Variants in BABAM2 observed in about 807,000 individuals in gnomAD.
BABAM2 encodes the protein BRISC and BRCA1 A complex member 2.
Under a neutral mutation model 54.7 loss-of-function variants are expected in BABAM2, and 31 were observed. The ratio of observed to expected loss-of-function variants is 0.57; its 90% confidence interval spans 0.43 to 0.77. BABAM2 has a LOEUF of 0.77. Among genes scored for constraint, BABAM2 ranks in the 30% least tolerant of loss-of-function variants. The pLI, the probability that BABAM2 is intolerant of heterozygous loss-of-function variation, is 0.00. For synonymous variants in BABAM2, 167 were observed against 162.9 expected (o/e 1.03, Z -0.19); for missense variants, 364 against 455.8 (o/e 0.80, Z 1.83).
At chr2:28,302,018 T>C (rs1323898833) in intron 11 of BABAM2, among the ~76,000 whole-genome samples, 1 of 152,220 alleles carries the variant, frequency 6.6e-6, no homozygotes, top group Admixed American at 6.5e-5. Context: ...CCTGTCTTAG[T>C]TTTTTCTTTT....
At chr2:28,201,897 G>A (rs989199554) in intron 7 of BABAM2, among the ~76,000 whole-genome samples, 6 of 151,686 alleles carry the variant, frequency 4.0e-5, no homozygotes, top group Admixed American at 1.3e-4. Flanking sequence ...ATGAAGCCCC[G>A]AATGGTGAAA....
chr2:28,261,783 C>T (rs1684563966), intron 10 of BABAM2, among the ~76,000 whole-genome samples: 1 of 147,290 alleles, frequency 6.8e-6, no homozygotes, highest in Non-Finnish European at 1.5e-5. Context: ...CCCCTCCCCT[C>T]CCCTTCCCTT....
chr2:28,178,128 G>A (rs1301601723), intron 7 of BABAM2, among the ~76,000 whole-genome samples: 1 of 152,024 alleles, frequency 6.6e-6, no homozygotes, highest in African/African-American at 2.4e-5. Context: ...AATTTAAACT[G>A]CACTTTAGAC....
intron 7 of BABAM2, among the ~76,000 whole-genome samples, chr2:28,204,570 A>C (rs1678628708): frequency 6.6e-6 from 1 of 151,910 alleles, no homozygotes; most frequent in Non-Finnish European, 1.5e-5. Context: ...TCAAATGCCC[A>C]GATAAGTGCA....
chr2:28,213,634 C>A (rs1031522238), intron 7 of BABAM2, among the ~76,000 whole-genome samples: 2 of 151,926 alleles, frequency 1.3e-5, no homozygotes, highest in Non-Finnish European at 2.9e-5. Flanking sequence ...TATCCCATTT[C>A]TTTTTAAAAA....
At chr2:28,111,421 T>C (rs1376851439) in intron 6 of BABAM2, among the ~76,000 whole-genome samples, 1 of 152,234 alleles carries the variant, frequency 6.6e-6, no homozygotes, top group African/African-American at 2.4e-5. Context: ...AGATATATAA[T>C]TTGACAATAT....
intron 6 of BABAM2, among the ~76,000 whole-genome samples, chr2:28,055,738 G>T (rs1356591440): frequency 1.3e-5 from 2 of 152,056 alleles, no homozygotes; most frequent in African/African-American, 4.8e-5. Context: ...GCCTCTTCTG[G>T]GCATATAACC....
intron 11 of BABAM2, chr2:28,310,269 C>A: frequency 2.9e-6 from 3 of 1,023,274 alleles, no homozygotes; most frequent in Non-Finnish European, 4.3e-6. Context: ...CCAGAGGAAG[C>A]CACTCACCAT....
At chr2:28,085,671 G>A (rs558033011) in intron 6 of BABAM2, among the ~76,000 whole-genome samples, 37 of 152,126 alleles carry the variant, frequency 2.4e-4, no homozygotes, top group South Asian at 8.3e-4. Flanking sequence ...TTTATTTCTC[G>A]TGTGTCATGC....
At chr2:27,925,034 TC>T (rs1336864305) in intron 2 of BABAM2, among the ~76,000 whole-genome samples, 1 of 152,198 alleles carries the variant, frequency 6.6e-6, no homozygotes, top group African/African-American at 2.4e-5. Context: ...ATTTGTAGAT[TC>T]CTCTCAGCAA....
intron 3 of BABAM2, among the ~76,000 whole-genome samples, chr2:27,954,291 A>G (rs1669937745): frequency 6.6e-6 from 1 of 152,202 alleles, no homozygotes; most frequent in African/African-American, 2.4e-5. Context: ...ATTTATGACC[A>G]TATGTTAAAT....
At chr2:28,139,690 G>C (rs1376688751) in intron 7 of BABAM2, among the ~76,000 whole-genome samples, 1 of 152,228 alleles carries the variant, frequency 6.6e-6, no homozygotes, top group Non-Finnish European at 1.5e-5. Context: ...ATTGTGTCTT[G>C]ATGATTCCAG....
intron 6 of BABAM2, among the ~76,000 whole-genome samples, chr2:28,104,468 G>T (rs7591227): frequency 1.3e-5 from 2 of 152,214 alleles, no homozygotes; most frequent in South Asian, 2.1e-4. Context: ...TCAGAGAAAT[G>T]TAAATCAAAA....
intron 10 of BABAM2, among the ~76,000 whole-genome samples, chr2:28,297,422 A>C (rs1376556840): frequency 2.0e-5 from 3 of 152,216 alleles, no homozygotes; most frequent in Non-Finnish European, 2.9e-5. Flanking sequence ...GAAGTGGATA[A>C]CATTCATACA....
chr2:28,202,267 A>G lies in BABAM2; in HGVS notation c.681-34935A>G, dbSNP rs534325105. Among the ~76,000 whole-genome samples, 36 of 152,262 alleles carry G rather than the reference A, an allele frequency of 2.4e-4. 1 individual carries two copies. In the South Asian group the frequency reaches 6.8e-3, roughly 29 times the overall value. On this transcript the variant is annotated intron_variant, in intron 7 of 11. Transcript: ENST00000379624. ...CTGACTGTGTTCCTAATGTTGGATTATTTTAGCCTTGCTCTATTAGTAGTC... is the reference window on the plus strand; with the variant it reads ...CTGACTGTGTTCCTAATGTTGGATTGTTTTAGCCTTGCTCTATTAGTAGTC...
intron 4 of BABAM2, among the ~76,000 whole-genome samples, chr2:27,990,899 A>G (rs1415914377): frequency 3.3e-5 from 5 of 152,112 alleles, no homozygotes; most frequent in Non-Finnish European, 7.4e-5. Context: ...AAGGACACAC[A>G]TAAGGTTAAT....
At position 28,292,165 on chromosome 2, in the gene BABAM2, T is replaced by C. The variant is rs988174765; in HGVS notation, c.935-6173T>C. Among the ~76,000 whole-genome samples the C allele has an allele frequency of 3.9e-5, 6 of 152,114 alleles. No homozygotes were observed. In the East Asian group the frequency reaches 1.2e-3, roughly 29 times the overall value. ...CAAGATATGGGGGAAAGCGCAGAAATATATAGTTTGGAAGGTTTGAAGAAA... is the reference window on the plus strand; with the variant it reads ...CAAGATATGGGGGAAAGCGCAGAAACATATAGTTTGGAAGGTTTGAAGAAA... On this transcript the variant is annotated intron_variant, in intron 10 of 11. Coordinates refer to ENST00000379624, the MANE Select transcript of BABAM2 (RefSeq NM_199191.3).
At chr2:28,078,965 C>T (rs1664930443) in intron 6 of BABAM2, among the ~76,000 whole-genome samples, 1 of 152,184 alleles carries the variant, frequency 6.6e-6, no homozygotes, top group East Asian at 1.9e-4. Context: ...GATTTATTTA[C>T]AGTTAATCAT....
rs201000672 is a variant in BABAM2 at position 28,040,853 on chromosome 2, TTCAG to T, written c.496-4870_496-4867del. 6.3e-3 allele frequency among the ~76,000 whole-genome samples: 961 copies of T among 152,348 alleles called. 6 individuals carry two copies. The highest frequency in any genetic ancestry group is 7.8e-3 in the Non-Finnish European group (533 of 68,036). On this transcript the variant is annotated intron_variant, in intron 5 of 11. Transcript: ENST00000379624. ...TATTAGTCCTGGGACCAACATTTCT[TTCAG>T]TATGACATTAGTTGTGTAAATCAGC...
Sources: gnomAD v4.1 joint callset for allele counts (sites outside exome capture counted in the v4.1 genomes callset) on GRCh38, gnomAD v4.1.1 for gene constraint, MANE v1.5 for transcripts, NCBI Gene and HGNC (gene_info 2026-07-23, HGNC 2026-07-21) for gene names.